Variants in MIPEP observed in about 807,000 individuals in gnomAD.
MIPEP encodes the protein mitochondrial intermediate peptidase.
Under a neutral mutation model 90.3 loss-of-function variants are expected in MIPEP, and 79 were observed. That is an observed-to-expected ratio of 0.87 (90% CI 0.73 to 1.05). The LOEUF is 1.05. Ranked by LOEUF, MIPEP falls within the 50% of genes least tolerant of loss-of-function variation. MIPEP has a pLI of 0.00. For synonymous variants in MIPEP, 334 were observed against 315.8 expected (o/e 1.06, Z -0.61); for missense variants, 940 against 905.6 (o/e 1.04, Z -0.49).
At chr13:23,742,915 G>A (rs960092927) in intron 18 of MIPEP, among the ~76,000 whole-genome samples, 8 of 152,200 alleles carry the variant, frequency 5.3e-5, no homozygotes, top group African/African-American at 1.7e-4. Flanking sequence ...ATTGTGAATG[G>A]CTTGGAACTA....
chr13:23,824,999 G>A (rs73158580), intron 14 of MIPEP, among the ~76,000 whole-genome samples: 17 of 152,224 alleles, frequency 1.1e-4, no homozygotes, highest in Non-Finnish European at 1.8e-4. Flanking sequence ...CAATAATACT[G>A]TGCTTTACAG....
chr13:23,812,805 AAAGTT>A (rs1423875056), intron 14 of MIPEP, among the ~76,000 whole-genome samples: 12 of 152,220 alleles, frequency 7.9e-5, no homozygotes, highest in African/African-American at 2.9e-4. Context: ...TTCAAAATAA[AAAGTT>A]AAGTACCCAA....
At chr13:23,869,255 C>T (rs1196476388) in intron 7 of MIPEP, 37 bp downstream of exon 7, 11 of 1,520,192 alleles carry the variant, frequency 7.2e-6, no homozygotes, top group Admixed American at 4.7e-5. Context: ...TCATAAAAAT[C>T]CTATTTTGCC....
chr13:23,789,148 GT>G (rs1215876108), intron 16 of MIPEP, among the ~76,000 whole-genome samples: 1 of 151,792 alleles, frequency 6.6e-6, no homozygotes, highest in Non-Finnish European at 1.5e-5. Context: ...TGTTGTCATT[GT>G]TTTATTTGTA....
At chr13:23,808,091 CAG>C (rs1330652328) in intron 15 of MIPEP, among the ~76,000 whole-genome samples, 6 of 151,368 alleles carry the variant, frequency 4.0e-5, no homozygotes, top group Non-Finnish European at 7.4e-5. Context: ...GTTTTAAAAA[CAG>C]TGTTTTTTTT....
chr13:23,859,975 C>G (rs1163933723), intron 9 of MIPEP, among the ~76,000 whole-genome samples: 1 of 152,218 alleles, frequency 6.6e-6, no homozygotes, highest in Non-Finnish European at 1.5e-5. Context: ...GGGACTGCGT[C>G]CATGGAACCC....
At chr13:23,812,963 C>T (rs1196391449) in intron 14 of MIPEP, among the ~76,000 whole-genome samples, 2 of 151,962 alleles carry the variant, frequency 1.3e-5, no homozygotes, top group African/African-American at 4.8e-5. Flanking sequence ...ATAAAAAATA[C>T]ACATATTGTG....
At chr13:23,831,386 G>GGGAA (rs1555237533) in intron 14 of MIPEP, among the ~76,000 whole-genome samples, 1 of 69,416 alleles carries the variant, frequency 1.4e-5, no homozygotes, top group Non-Finnish European at 3.0e-5. Context: ...CCCATGGCGG[G>GGGAA]GGGGGGATGT....
At chr13:23,814,998 A>T (rs1044373395) in intron 14 of MIPEP, among the ~76,000 whole-genome samples, 3 of 152,208 alleles carry the variant, frequency 2.0e-5, no homozygotes, top group African/African-American at 4.8e-5. Flanking sequence ...TCATCTGCAA[A>T]ATGTTAATAT....
chr13:23,847,019 A>T (rs1291103853), intron 10 of MIPEP, among the ~76,000 whole-genome samples: 2 of 152,214 alleles, frequency 1.3e-5, no homozygotes, highest in East Asian at 3.8e-4. Context: ...CTACGACAAC[A>T]ACTAAGTAGA....
chr13:23,822,894 T>G (rs915026851), intron 14 of MIPEP, among the ~76,000 whole-genome samples: 5 of 149,362 alleles, frequency 3.3e-5, no homozygotes, highest in African/African-American at 1.2e-4. Flanking sequence ...GGGCGCTTCT[T>G]TTTTTTTTTG....
At chr13:23,814,461 C>T (rs1953212005) in intron 14 of MIPEP, among the ~76,000 whole-genome samples, 1 of 151,876 alleles carries the variant, frequency 6.6e-6, no homozygotes, top group Non-Finnish European at 1.5e-5. Context: ...CGGGGTTTCA[C>T]TGTATTAACC....
intron 14 of MIPEP, among the ~76,000 whole-genome samples, chr13:23,822,677 T>G (rs1268065190): frequency 6.6e-6 from 1 of 152,182 alleles, no homozygotes; most frequent in Non-Finnish European, 1.5e-5. Flanking sequence ...GCTCATTTAT[T>G]CTATTGTTTG....
intron 14 of MIPEP, among the ~76,000 whole-genome samples, chr13:23,814,137 A>G (rs1478243367): frequency 6.6e-6 from 1 of 152,246 alleles, no homozygotes; most frequent in Non-Finnish European, 1.5e-5. Flanking sequence ...ATACTATTTC[A>G]ATTTCCATAA....
intron 18 of MIPEP, among the ~76,000 whole-genome samples, chr13:23,738,470 G>A (rs1189179071): frequency 2.7e-5 from 4 of 146,314 alleles, no homozygotes; most frequent in East Asian, 4.0e-4. Flanking sequence ...TTTTTCTTGA[G>A]ACAGGGTGTC....
At chr13:23,854,188 A>ATTT (rs568842347) in intron 10 of MIPEP, among the ~76,000 whole-genome samples, 5 of 114,172 alleles carry the variant, frequency 4.4e-5, no homozygotes, top group Admixed American at 8.8e-5. Flanking sequence ...AGCCAGGCTA[A>ATTT]TTTTTTTTTT....
chr13:23,809,973 A>T, intron 14 of MIPEP, 49 bp from the exon 15 acceptor site: 1 of 1,178,430 alleles, frequency 8.5e-7, no homozygotes. Flanking sequence ...GTAATAAGTC[A>T]CTGCACTATG....
At chr13:23,791,539 C>T (rs1952898085) in intron 16 of MIPEP, among the ~76,000 whole-genome samples, 2 of 152,170 alleles carry the variant, frequency 1.3e-5, no homozygotes, top group South Asian at 4.1e-4. Context: ...ACCCTAAAGA[C>T]GGTTAGGCTG....
At chr13:23,883,500 T>C (rs1826210940) in intron 2 of MIPEP, among the ~76,000 whole-genome samples, 1 of 152,164 alleles carries the variant, frequency 6.6e-6, no homozygotes, top group Non-Finnish European at 1.5e-5. Flanking sequence ...TGATATAAAA[T>C]GGTGTAGTAC....
Sources: allele counts gnomAD v4.1 joint callset (sites outside exome capture counted in the v4.1 genomes callset), GRCh38; gene constraint gnomAD v4.1.1; transcripts MANE v1.5; gene names NCBI Gene and HGNC (gene_info 2026-07-23, HGNC 2026-07-21).